RCAN2: variants seen among roughly 807,000 people sequenced by gnomAD.
RCAN2 encodes calcipressin-2.
Under a neutral mutation model 23.6 loss-of-function variants are expected in RCAN2, and 9 were observed. The observed-to-expected ratio is 0.38, with a 90% CI of 0.23 to 0.67. RCAN2 has a LOEUF of 0.67. Among genes scored for constraint, RCAN2 ranks in the 30% least tolerant of loss-of-function variants. The pLI, the probability that RCAN2 is intolerant of heterozygous loss-of-function variation, is 0.51. For missense variants in RCAN2, 273 were observed against 302.3 expected, an observed-to-expected ratio of 0.90 and a Z score of 0.72; for synonymous variants, 109 against 115.7, an observed-to-expected ratio of 0.94 and a Z score of 0.37.
chr6:46,454,369 CT>C (rs1311938147), intron 2 of RCAN2, among the ~76,000 whole-genome samples: 3 of 152,006 alleles, frequency 2.0e-5, no homozygotes, highest in East Asian at 1.9e-4. Context: ...AGACTCCCCA[CT>C]TTTTTTTCTG....
intron 2 of RCAN2, among the ~76,000 whole-genome samples, chr6:46,336,798 G>C (rs540734155): frequency 2.0e-5 from 3 of 152,216 alleles, no homozygotes; most frequent in African/African-American, 7.2e-5. Context: ...GGCAATAGGG[G>C]TTGGATTACG....
At chr6:46,263,897 G>A (rs112954129) in intron 2 of RCAN2, among the ~76,000 whole-genome samples, 2,174 of 152,162 alleles carry the variant, frequency 0.014, 20 homozygotes, top group Non-Finnish European at 0.022. Flanking sequence ...TTGAGATTTT[G>A]GTATTAGTCA....
chr6:46,468,820 A>G lies in RCAN2; in HGVS notation c.-2-11842T>C, dbSNP rs962135997. 4 of 985,106 alleles carry G rather than the reference A, an allele frequency of 4.1e-6. No individual in the cohort carries two copies. In the South Asian group the frequency reaches 1.4e-4, roughly 35 times the overall value. The allele number at this position is 985,106 out of a possible 1,614,324, so 61.0% of individuals were successfully genotyped here. A position where few individuals can be genotyped will look rare whatever the true frequency, so the allele number is the denominator to read the frequency against. On this transcript the variant is annotated intron_variant, in intron 1 of 4. Transcript: ENST00000371374. ...CTCACCTTTAATCAGCACTTTCTCA[A>G]CTTGAGTGACTTCCTGAGTCTCACA...
chr6:46,351,503 A>C (rs1403912147), intron 2 of RCAN2, among the ~76,000 whole-genome samples: 1 of 152,242 alleles, frequency 6.6e-6, no homozygotes, highest in Admixed American at 6.5e-5. Context: ...CATGTCCTTG[A>C]AAATCTCTCA....
chr6:46,471,574 G>A (rs879940433), intron 1 of RCAN2, among the ~76,000 whole-genome samples: 3 of 152,152 alleles, frequency 2.0e-5, no homozygotes, highest in Non-Finnish European at 4.4e-5. Flanking sequence ...TTAGAGGGAT[G>A]AAATCAGAAG....
At chr6:46,351,176 G>A (rs1764635530) in intron 2 of RCAN2, among the ~76,000 whole-genome samples, 1 of 152,162 alleles carries the variant, frequency 6.6e-6, no homozygotes, top group African/African-American at 2.4e-5. Flanking sequence ...ATGAGGCCAG[G>A]ATTTCAACCC....
At chr6:46,480,891 GGA>G (rs1768841190) in intron 1 of RCAN2, among the ~76,000 whole-genome samples, 1 of 152,148 alleles carries the variant, frequency 6.6e-6, no homozygotes, top group Non-Finnish European at 1.5e-5. Context: ...CAAAGTGCTG[GGA>G]TTACAGGCGT....
At chr6:46,458,894 CACGTGT>C (rs1025863776) in intron 1 of RCAN2, among the ~76,000 whole-genome samples, 4 of 130,972 alleles carry the variant, frequency 3.1e-5, no homozygotes, top group African/African-American at 1.1e-4. Context: ...AACGCGCGCG[CACGTGT>C]GTGTGTGTGT....
chr6:46,414,970 A>G (rs1034533739), intron 2 of RCAN2, among the ~76,000 whole-genome samples: 4 of 152,162 alleles, frequency 2.6e-5, no homozygotes, highest in African/African-American at 9.7e-5. Flanking sequence ...TGAATTCTCT[A>G]ATGTGGTTGG....
In RCAN2 at chr6:46,382,254, T is replaced by C. The variant is rs111264486; in HGVS notation, c.225+74498A>G. Among the ~76,000 whole-genome samples the C allele has an allele frequency of 5.4e-3, 816 of 152,308 alleles. 8 individuals are homozygous for C. Among genetic ancestry groups the C allele is most frequent in the African/African-American group, 0.018 (748 of 41,572 alleles). ...TAATAGTTCTTTTCTCATAAGGTTA[T>C]CGGGAATATTAAATTATATTCTTTG... On this transcript the variant is annotated intron_variant, in intron 2 of 4. Coordinates refer to ENST00000371374, the MANE Select transcript of RCAN2 (RefSeq NM_001251974.2).
chr6:46,349,381 GAAC>G (rs1191862749), intron 2 of RCAN2, among the ~76,000 whole-genome samples: 7 of 152,032 alleles, frequency 4.6e-5, no homozygotes, highest in African/African-American at 1.7e-4. Flanking sequence ...ACAGAGAGGG[GAAC>G]AACACACACA....
intron 4 of RCAN2, among the ~76,000 whole-genome samples, chr6:46,227,512 G>T (rs1488719876): frequency 6.6e-6 from 1 of 151,776 alleles, no homozygotes; most frequent in Admixed American, 6.6e-5. Flanking sequence ...TTTAAGTCTT[G>T]GGAGGGTGTA....
intron 2 of RCAN2, among the ~76,000 whole-genome samples, chr6:46,344,593 G>A (rs1248712021): frequency 6.6e-6 from 1 of 152,034 alleles, no homozygotes; most frequent in Non-Finnish European, 1.5e-5. Flanking sequence ...GAATTATACT[G>A]TTGTGACATT....
chr6:46,458,619 TTAAA>T (rs1172278383), intron 1 of RCAN2, among the ~76,000 whole-genome samples: 2 of 152,122 alleles, frequency 1.3e-5, no homozygotes, highest in African/African-American at 4.8e-5. Flanking sequence ...ACATGTTTTA[TTAAA>T]TAATCTAAAA....
At chr6:46,262,476 C>A (rs530849884) in intron 2 of RCAN2, among the ~76,000 whole-genome samples, 1 of 152,186 alleles carries the variant, frequency 6.6e-6, no homozygotes, top group African/African-American at 2.4e-5. Context: ...AAATTCTGGG[C>A]TGGATGCAGT....
At chr6:46,468,689 C>T (rs1370706987) in intron 1 of RCAN2, 2 of 420,338 alleles carry the variant, frequency 4.8e-6, no homozygotes, top group East Asian at 1.6e-4. Flanking sequence ...TCCTGATATG[C>T]TGTGCTGACG....
intron 1 of RCAN2, among the ~76,000 whole-genome samples, chr6:46,459,238 C>T (rs150566209): frequency 0.024 from 3,601 of 152,278 alleles, 65 homozygotes; most frequent in Non-Finnish European, 0.037. Flanking sequence ...CATTCAGCAG[C>T]ATACAAATAG....
chr6:46,260,066 T>A (rs1767060438), intron 2 of RCAN2, among the ~76,000 whole-genome samples: 1 of 152,120 alleles, frequency 6.6e-6, no homozygotes, highest in African/African-American at 2.4e-5. Context: ...ATTGATCACA[T>A]CATTGCCAAT....
chr6:46,444,688 T>G (rs965755325), intron 2 of RCAN2, among the ~76,000 whole-genome samples: 1 of 152,150 alleles, frequency 6.6e-6, no homozygotes, highest in Non-Finnish European at 1.5e-5. Flanking sequence ...TCCATGCCAG[T>G]CCTGCAGCTT....
Sources: allele counts gnomAD v4.1 joint callset (sites outside exome capture counted in the v4.1 genomes callset), GRCh38; gene constraint gnomAD v4.1.1; transcripts MANE v1.5; gene names NCBI Gene and HGNC (gene_info 2026-07-23, HGNC 2026-07-21).